MTARC2: variants seen among roughly 807,000 people sequenced by gnomAD.
MTARC2 encodes the protein mitochondrial amidoxime reducing component 2.
In MTARC2, 27 loss-of-function variants were observed where a neutral mutation model predicts 35.6. The observed-to-expected ratio is 0.76, with a 90% CI of 0.56 to 1.04. The LOEUF (loss-of-function observed/expected upper bound fraction) is 1.04. MTARC2 is among the 50% of genes least tolerant of loss of function. MTARC2 has a pLI of 0.00. For synonymous variants in MTARC2, 158 were observed against 167.1 expected, an observed-to-expected ratio of 0.95 and a Z score of 0.42; for missense variants, 412 against 432.5, an observed-to-expected ratio of 0.95 and a Z score of 0.42.
rs375749967 is a variant in MTARC2, at chr1:220,748,528, T to C, written c.-4T>C. 283 of 1,397,766 alleles carry C rather than the reference T, an allele frequency of 2.0e-4. 1 individual carries two copies. In the Middle Eastern group the frequency reaches 3.9e-3, roughly 19 times the overall value. 86.6% of individuals were successfully genotyped at this position (1,397,766 alleles called of 1,614,324 possible). On this transcript the variant is annotated 5_prime_UTR_variant, in exon 1 of 8. Coordinates refer to ENST00000366913, the MANE Select transcript of MTARC2 (RefSeq NM_017898.5). ...CGCCGGTCCGCGCCCGCCCTCGCTCTGCCATGGGCGCTTCCAGCTCCTCCG... is the reference window on the plus strand; with the variant it reads ...CGCCGGTCCGCGCCCGCCCTCGCTCCGCCATGGGCGCTTCCAGCTCCTCCG...
intron 4 of MTARC2, among the ~76,000 whole-genome samples, chr1:220,772,079 C>A (rs7542723): frequency 0.32 from 48,299 of 151,962 alleles, 8,818 homozygotes; most frequent in East Asian, 0.68. Context: ...GCAAATCCTT[C>A]ATTTGCGTGG....
intron 4 of MTARC2, among the ~76,000 whole-genome samples, chr1:220,772,343 A>G (rs1671767421): frequency 6.6e-6 from 1 of 152,242 alleles, no homozygotes; most frequent in African/African-American, 2.4e-5. Context: ...CAAGGTGAGC[A>G]TAAGCGTGCC....
intron 2 of MTARC2, among the ~76,000 whole-genome samples, chr1:220,758,628 A>G (rs1391257319): frequency 6.6e-6 from 1 of 152,138 alleles, no homozygotes; most frequent in African/African-American, 2.4e-5. Context: ...CATGTTGGCC[A>G]GGTTGTTCTC....
chr1:220,767,773 G>A lies in MTARC2; in HGVS notation c.750+4723G>A, dbSNP rs115604411. Among the ~76,000 whole-genome samples the A allele has an allele frequency of 8.4e-3, 1,273 of 152,308 alleles. 22 individuals are homozygous for A. The highest frequency in any genetic ancestry group is 0.027 in the African/African-American group (1,133 of 41,558). On this transcript the variant is annotated intron_variant, in intron 4 of 7. Transcript: ENST00000366913. ...CTTTCACTCAGGAAGTGTTTCTCCA[G>A]GAAACTTCCAGAGAGGGAGATTTTG...
intron 4 of MTARC2, among the ~76,000 whole-genome samples, chr1:220,779,202 A>T (rs568465545): frequency 6.6e-6 from 1 of 152,268 alleles, no homozygotes; most frequent in East Asian, 1.9e-4. Flanking sequence ...TATAAAAACA[A>T]ATCATATTAT....
intron 2 of MTARC2, among the ~76,000 whole-genome samples, chr1:220,756,010 G>C (rs577118540): frequency 1.3e-3 from 199 of 152,332 alleles, no homozygotes; most frequent in South Asian, 1.9e-3. Flanking sequence ...AGCTTCCAGA[G>C]CTTTTCAAGT....
chr1:220,762,835 C>T, intron 3 of MTARC2, 75 bp from the exon 4 acceptor site: 2 of 1,528,286 alleles, frequency 1.3e-6, no homozygotes, highest in Middle Eastern at 1.8e-4. Context: ...TGCTTCTGGA[C>T]ATTACTTAGC....
intron 1 of MTARC2, among the ~76,000 whole-genome samples, chr1:220,752,770 C>T (rs980009048): frequency 3.3e-5 from 5 of 151,892 alleles, no homozygotes; most frequent in Non-Finnish European, 5.9e-5. Flanking sequence ...TCGCTTGAGC[C>T]CAGCAGTTCA....
chr1:220,758,441 T>A (rs755853038), intron 2 of MTARC2, among the ~76,000 whole-genome samples: 1 of 150,006 alleles, frequency 6.7e-6, no homozygotes, highest in Non-Finnish European at 1.5e-5. Flanking sequence ...TTTTTTGAGA[T>A]GGAGTTTCGC....
rs964441186 is a variant in MTARC2, at chr1:220,766,992, T to A, written c.750+3942T>A. Among the ~76,000 whole-genome samples the A allele has an allele frequency of 1.8e-4, 27 of 150,046 alleles. No homozygotes were observed. In the South Asian group the frequency reaches 3.2e-3, roughly 18 times the overall value. On this transcript the variant is annotated intron_variant, in intron 4 of 7. Transcript: ENST00000366913. The stretch of plus-strand genomic sequence containing the variant: ...CCCCACCTCTACAAAAAAAAAAAAA[T>A]TAATTAATTAAAAGTGAAAAAAAAT...
intron 3 of MTARC2, among the ~76,000 whole-genome samples, chr1:220,762,099 T>C (rs940511399): frequency 1.3e-5 from 2 of 152,008 alleles, no homozygotes. Context: ...CCCAGGTAGA[T>C]GGAGATGCAA....
intron 4 of MTARC2, among the ~76,000 whole-genome samples, chr1:220,766,675 G>A (rs1671586505): frequency 6.6e-6 from 1 of 152,016 alleles, no homozygotes; most frequent in South Asian, 2.1e-4. Context: ...AGACACTCTT[G>A]TCCCTGGCTG....
At chr1:220,758,999 TTG>T (rs1313982331) in intron 2 of MTARC2, among the ~76,000 whole-genome samples, 4 of 152,204 alleles carry the variant, frequency 2.6e-5, no homozygotes, top group East Asian at 1.9e-4. Context: ...CTTCACTTGT[TTG>T]TGTCTTATCT....
chr1:220,775,652 T>C (rs1042081588), intron 4 of MTARC2, among the ~76,000 whole-genome samples: 4 of 152,026 alleles, frequency 2.6e-5, no homozygotes, highest in Admixed American at 6.5e-5. Flanking sequence ...TAGTACCCTA[T>C]AGTGTTTCAA....
intron 4 of MTARC2, among the ~76,000 whole-genome samples, chr1:220,771,804 G>A (rs1209385197): frequency 6.6e-6 from 1 of 152,052 alleles, no homozygotes; most frequent in African/African-American, 2.4e-5. Flanking sequence ...CCTAATGCAC[G>A]TGGGGCTTAA....
intron 3 of MTARC2, among the ~76,000 whole-genome samples, chr1:220,762,466 C>T (rs10779415): frequency 0.29 from 44,371 of 152,058 alleles, 7,543 homozygotes; most frequent in East Asian, 0.69. Context: ...TCCTTGAGGG[C>T]AGGGGTTTTT....
At chr1:220,762,783 C>A in intron 3 of MTARC2, 127 bp from the exon 4 acceptor site, 2 of 1,002,238 alleles carry the variant, frequency 2.0e-6, no homozygotes, top group Non-Finnish European at 3.0e-6. Flanking sequence ...ACATCTCTCT[C>A]CTTCCTGAAC....
chr1:220,784,028 C>T lies in MTARC2; in HGVS notation c.*141C>T, dbSNP rs951996195. ...CTATCTTTACCCTGGAAAACAATCTCGATTTTTGACTTTTCAAAGTTGTGT... is the reference window on the plus strand; with the variant it reads ...CTATCTTTACCCTGGAAAACAATCTTGATTTTTGACTTTTCAAAGTTGTGT... On this transcript the variant is annotated 3_prime_UTR_variant, in exon 8 of 8. Coordinates refer to ENST00000366913, the MANE Select transcript of MTARC2 (RefSeq NM_017898.5). 7 of 711,108 alleles carry T rather than the reference C, an allele frequency of 9.8e-6. No individual in the cohort carries two copies. The highest frequency in any genetic ancestry group is 3.0e-5 in the South Asian group (2 of 66,624). The allele number at this position is 711,108 out of a possible 1,614,324, so 44.0% of individuals were successfully genotyped here.
At chr1:220,750,560 C>T (rs779545210) in intron 1 of MTARC2, among the ~76,000 whole-genome samples, 30 of 152,166 alleles carry the variant, frequency 2.0e-4, no homozygotes, top group South Asian at 1.9e-3. Flanking sequence ...TTACCTTTCC[C>T]TTGTTTTAAA....
Sources: allele counts gnomAD v4.1 joint callset (sites outside exome capture counted in the v4.1 genomes callset), GRCh38; gene constraint gnomAD v4.1.1; transcripts MANE v1.5; gene names NCBI Gene and HGNC (gene_info 2026-07-23, HGNC 2026-07-21).